The following PCDH15 variants were observed in gnomAD, a reference collection of about 807,000 sequenced individuals.
The protein encoded by PCDH15 is protocadherin related 15.
In PCDH15, 129 loss-of-function variants were observed where a neutral mutation model predicts 178.5. The observed-to-expected ratio is 0.72, with a 90% CI of 0.63 to 0.84. PCDH15 has a LOEUF of 0.84. Among genes scored for constraint, PCDH15 ranks in the 40% least tolerant of loss-of-function variants. The probability of loss-of-function intolerance (pLI) is 0.00; values close to 1 mark genes in which losing one functional copy is unlikely to be tolerated. For synonymous variants in PCDH15, 800 were observed against 732.0 expected, an observed-to-expected ratio of 1.09 and a Z score of -1.50; for missense variants, 2,230 against 2,099.9, an observed-to-expected ratio of 1.06 and a Z score of -1.21.
Position 54,932,016 on chromosome 10 carries a change from C to T in PCDH15, c.-79-34516G>A, listed in dbSNP as rs562095726. Among the ~76,000 whole-genome samples the T allele has an allele frequency of 5.3e-5, 8 of 152,218 alleles. No homozygotes were observed. The South Asian group carries it at 6.2e-4, about 12-fold the overall frequency. ...TGCCTCTTAACAACGTTTTGGTGAA[C>T]GATGAACCATATATGCTACAGTGAT... On this transcript the variant is annotated intron_variant, in intron 2 of 5. Transcript: ENST00000458638.
intron 2 of PCDH15, among the ~76,000 whole-genome samples, chr10:55,132,916 A>C (rs2132079471): frequency 6.6e-6 from 1 of 152,300 alleles, no homozygotes; most frequent in Admixed American, 6.5e-5. Context: ...AGTTCTTCCT[A>C]ATTTAGTTGT....
At chr10:55,354,631 T>C (rs967350357) in intron 2 of PCDH15, among the ~76,000 whole-genome samples, 2 of 152,096 alleles carry the variant, frequency 1.3e-5, no homozygotes, top group African/African-American at 4.8e-5. Flanking sequence ...ATTCCTGACT[T>C]ACTGACTTAA....
At chr10:54,049,623 G>T (rs1219285026) in intron 18 of PCDH15, among the ~76,000 whole-genome samples, 1 of 133,678 alleles carries the variant, frequency 7.5e-6, no homozygotes, top group Non-Finnish European at 1.7e-5. Context: ...CTATTGTGAT[G>T]ATTTTTTTTT....
intron 2 of PCDH15, among the ~76,000 whole-genome samples, chr10:55,338,728 C>A (rs1208838535): frequency 6.6e-6 from 1 of 151,952 alleles, no homozygotes; most frequent in Admixed American, 6.6e-5. Context: ...TGAGCCGAGA[C>A]CATGTCACTG....
At chr10:53,903,478 T>C in intron 25 of PCDH15, 108 bp from the exon 26 acceptor site, 1 of 1,347,006 alleles carries the variant, frequency 7.4e-7, no homozygotes, top group Middle Eastern at 2.1e-4. Context: ...TGAAAATAAA[T>C]CAAAAGCCAT....
At chr10:54,708,779 C>CGTGTGTGTGTGT (rs145197882) in intron 1 of PCDH15, among the ~76,000 whole-genome samples, 44 of 150,484 alleles carry the variant, frequency 2.9e-4, no homozygotes, top group East Asian at 1.8e-3. Flanking sequence ...GCCAGAATAA[C>CGTGTGTGTGTGT]GTGTGTGTGT....
At chr10:53,963,137 C>A (rs899264446) in intron 21 of PCDH15, among the ~76,000 whole-genome samples, 1 of 152,098 alleles carries the variant, frequency 6.6e-6, no homozygotes, top group African/African-American at 2.4e-5. Context: ...GAGAACATTG[C>A]TTTTTATATT....
intron 7 of PCDH15, among the ~76,000 whole-genome samples, chr10:54,319,721 T>A (rs114792294): frequency 0.2 from 31,081 of 151,662 alleles, 3,250 homozygotes; most frequent in Admixed American, 0.23. Context: ...CTGTATTTTT[T>A]TTTTTTTGTT....
intron 1 of PCDH15, among the ~76,000 whole-genome samples, chr10:54,690,765 T>C (rs1013990147): frequency 2.0e-5 from 3 of 152,162 alleles, no homozygotes; most frequent in African/African-American, 7.2e-5. Flanking sequence ...ACTGTTAATA[T>C]CATTCACCAA....
At chr10:55,388,396 T>C (rs577958874) in intron 2 of PCDH15, among the ~76,000 whole-genome samples, 1 of 152,196 alleles carries the variant, frequency 6.6e-6, no homozygotes, top group South Asian at 2.1e-4. Flanking sequence ...TCTCTCTGAA[T>C]CCTGTTGACT....
chr10:54,287,618 T>C (rs1276248369), intron 8 of PCDH15, among the ~76,000 whole-genome samples: 1 of 152,164 alleles, frequency 6.6e-6, no homozygotes, highest in Non-Finnish European at 1.5e-5. Flanking sequence ...CCTATTTTTT[T>C]CGTTCTAAGG....
chr10:55,508,882 A>G (rs1565207451), intron 2 of PCDH15, among the ~76,000 whole-genome samples: 2 of 151,754 alleles, frequency 1.3e-5, no homozygotes, highest in Non-Finnish European at 2.9e-5. Flanking sequence ...CTGCTGTCAA[A>G]TTTTCCTACA....
At chr10:54,968,816 T>A (rs1244885012) in intron 2 of PCDH15, among the ~76,000 whole-genome samples, 1 of 152,288 alleles carries the variant, frequency 6.6e-6, no homozygotes, top group Non-Finnish European at 1.5e-5. Context: ...GTTTATTTTT[T>A]CTCTGTGTGT....
intron 2 of PCDH15, among the ~76,000 whole-genome samples, chr10:54,601,158 A>G (rs892594108): frequency 6.6e-6 from 1 of 152,086 alleles, no homozygotes; most frequent in African/African-American, 2.4e-5. Flanking sequence ...TGCTCAATAA[A>G]GGTCATATTG....
At chr10:54,741,192 T>C (rs982484960) in intron 1 of PCDH15, among the ~76,000 whole-genome samples, 1 of 146,890 alleles carries the variant, frequency 6.8e-6, no homozygotes, top group Non-Finnish European at 1.5e-5. Context: ...TATTTATACA[T>C]TCTCTTTTTT....
chr10:55,327,838 C>T (rs1381856411), intron 2 of PCDH15, among the ~76,000 whole-genome samples: 1 of 151,700 alleles, frequency 6.6e-6, no homozygotes, highest in Non-Finnish European at 1.5e-5. Flanking sequence ...TTTTTGTTTT[C>T]CAATTATTAA....
intron 1 of PCDH15, among the ~76,000 whole-genome samples, chr10:55,174,311 T>G (rs968428544): frequency 2.6e-5 from 4 of 152,116 alleles, no homozygotes; most frequent in Non-Finnish European, 5.9e-5. Flanking sequence ...AAGGACAATT[T>G]AAAGCCTGAA....
intron 3 of PCDH15, among the ~76,000 whole-genome samples, chr10:54,380,240 C>A (rs747141751): frequency 6.6e-6 from 1 of 151,858 alleles, no homozygotes; most frequent in Admixed American, 6.6e-5. Flanking sequence ...TTGTAAATGG[C>A]ACATTTTTTG....
chr10:55,496,836 A>G (rs952437460), intron 2 of PCDH15, among the ~76,000 whole-genome samples: 4 of 151,848 alleles, frequency 2.6e-5, no homozygotes, highest in Non-Finnish European at 5.9e-5. Flanking sequence ...TGTTTCAATT[A>G]TTATTGACTG....
Sources: allele counts gnomAD v4.1 joint callset (sites outside exome capture counted in the v4.1 genomes callset), GRCh38; gene constraint gnomAD v4.1.1; transcripts MANE v1.5; gene names NCBI Gene and HGNC (gene_info 2026-07-23, HGNC 2026-07-21).